The following ERO1A variants were observed in gnomAD, a reference collection of about 807,000 sequenced individuals.
The protein encoded by ERO1A is endoplasmic reticulum oxidoreductase 1 alpha.
ERO1A carries 49 observed loss-of-function variants against 76.9 expected under a neutral mutation model. The observed-to-expected ratio is 0.64, with a 90% CI of 0.51 to 0.81. ERO1A has a LOEUF of 0.81. Ranked by LOEUF, ERO1A falls within the 30% of genes least tolerant of loss-of-function variation. The pLI is 0.00. For synonymous variants in ERO1A, 174 were observed against 181.2 expected, an observed-to-expected ratio of 0.96 and a Z score of 0.32; for missense variants, 448 against 542.1, an observed-to-expected ratio of 0.83 and a Z score of 1.72.
intron 6 of ERO1A, among the ~76,000 whole-genome samples, chr14:52,669,143 A>C (rs2040512929): frequency 6.6e-6 from 1 of 152,136 alleles, no homozygotes; most frequent in South Asian, 2.1e-4. Context: ...TACCATTTAC[A>C]TCCATTATTT....
chr14:52,645,628 G>C lies in ERO1A; in HGVS notation c.1346+526C>G, dbSNP rs143054512. 4.7e-3 allele frequency among the ~76,000 whole-genome samples: 722 copies of C among 152,000 alleles called. 6 individuals are homozygous for C. The highest frequency in any genetic ancestry group is 0.016 in the African/African-American group (675 of 41,464). On this transcript the variant is annotated intron_variant, in intron 15 of 15. Coordinates refer to ENST00000395686, the MANE Select transcript of ERO1A (RefSeq NM_014584.3). ...AAAGTCAATAGAGGAAAATAAAGAC[G>C]ATCATGTACTAATTGTATATGTCTA...
At chr14:52,644,245 G>C (rs2065049) in intron 15 of ERO1A, among the ~76,000 whole-genome samples, 68,618 of 151,986 alleles carry the variant, frequency 0.45, 16,327 homozygotes, top group Middle Eastern at 0.56. Context: ...CTTGAGTCCA[G>C]GAGTTTGAGA....
intron 1 of ERO1A, among the ~76,000 whole-genome samples, chr14:52,690,373 G>A (rs1427202013): frequency 2.0e-5 from 3 of 152,280 alleles, no homozygotes; most frequent in Non-Finnish European, 4.4e-5. Flanking sequence ...CCATCTGTCT[G>A]ACAAGATGTT....
intron 3 of ERO1A, among the ~76,000 whole-genome samples, chr14:52,678,695 G>A (rs577081820): frequency 1.3e-5 from 2 of 152,310 alleles, no homozygotes; most frequent in Non-Finnish European, 2.9e-5. Context: ...TTACAGCAAG[G>A]AGATGTAAAA....
rs144605235 is a variant in ERO1A, at chr14:52,642,192, T to C, written c.*1378A>G. 3 of 152,184 alleles carry C rather than the reference T, an allele frequency of 2.0e-5. No homozygotes were observed. Among genetic ancestry groups the C allele is most frequent in the African/African-American group, 7.2e-5 (3 of 41,518 alleles). 9.4% of individuals were successfully genotyped at this position (152,184 alleles called of 1,614,324 possible). The stretch of plus-strand genomic sequence containing the variant: ...TCCACTAATGAAAACCTCCCAAAAT[T>C]ACAGTTCAGTTTTAGGGAGACAAAG... On this transcript the variant is annotated 3_prime_UTR_variant, in exon 16 of 16. Coordinates refer to ENST00000395686, the MANE Select transcript of ERO1A (RefSeq NM_014584.3).
intron 7 of ERO1A, among the ~76,000 whole-genome samples, chr14:52,665,868 G>A (rs56059113): frequency 0.011 from 1,616 of 152,296 alleles, 18 homozygotes; most frequent in African/African-American, 0.036. Flanking sequence ...TGCAAGGACT[G>A]AAGAAGAAAA....
intron 2 of ERO1A, 73 bp from the exon 3 acceptor site, chr14:52,682,481 G>C (rs2041031666): frequency 1.7e-6 from 2 of 1,156,410 alleles, no homozygotes; most frequent in Non-Finnish European, 2.5e-6. Context: ...TACAAATTAT[G>C]GTGCTATAAC....
rs115094984 is a variant in ERO1A at position 52,663,266 on chromosome 14, T to C, written c.676+535A>G. Among the ~76,000 whole-genome samples, 385 of 152,252 alleles carry C rather than the reference T, an allele frequency of 2.5e-3. 2 individuals are homozygous for C. The highest frequency in any genetic ancestry group is 8.9e-3 in the African/African-American group (370 of 41,532). ...TAGAATAAATATATATCCTAATCTT[T>C]ATTTTTTGATAATCTAATACCAGGA... On this transcript the variant is annotated intron_variant, in intron 8 of 15. Coordinates refer to ENST00000395686, the MANE Select transcript of ERO1A (RefSeq NM_014584.3).
At chr14:52,687,898 C>A (rs2041229514) in intron 1 of ERO1A, among the ~76,000 whole-genome samples, 2 of 152,084 alleles carry the variant, frequency 1.3e-5, no homozygotes, top group African/African-American at 4.8e-5. Context: ...AAAATTCCAG[C>A]CTTCTGTTCC....
intron 1 of ERO1A, among the ~76,000 whole-genome samples, chr14:52,689,155 T>C (rs1343209083): frequency 2.6e-5 from 4 of 152,106 alleles, no homozygotes; most frequent in Non-Finnish European, 5.9e-5. Context: ...GGTTTCACCA[T>C]GTTGGTCAGG....
At chr14:52,666,587 C>A (rs1034912118) in intron 6 of ERO1A, 92 bp from the exon 7 acceptor site, 1 of 1,137,788 alleles carries the variant, frequency 8.8e-7, no homozygotes, top group East Asian at 2.7e-5. Flanking sequence ...TTCTAACGCA[C>A]CACAAATATA....
chr14:52,681,675 A>G (rs2040998701), intron 3 of ERO1A, among the ~76,000 whole-genome samples: 2 of 152,220 alleles, frequency 1.3e-5, no homozygotes, highest in African/African-American at 4.8e-5. Context: ...ATTGTCATTC[A>G]AAAATATTTT....
In ERO1A at chr14:52,695,438, A is replaced by G. The variant is rs754651694; in HGVS notation, c.44T>C (p.Val15Ala). The G allele has an allele frequency of 1.9e-6, 3 of 1,552,906 alleles. 1 individual carries two copies. The South Asian group carries it at 3.6e-5, about 19-fold the overall frequency. Residue 15 changes from valine (V) to alanine (A), a missense_variant, in exon 1 of 16, where the codon GTG becomes GCG. This residue lies in a region of ERO1A where 146 missense variants were observed against 130.2 expected (regional missense o/e 1.12). Coordinates refer to ENST00000395686, the MANE Select transcript of ERO1A (RefSeq NM_014584.3). The part of the protein sequence containing the change: ...WGFLFGLLGA[V>A]WLLSSGHGEE... ...TCCGTGGCCCGAGCTGAGCAGCCAC[A>G]CGGCGCCCAGGAGGCCAAACAAGAA...
At chr14:52,663,921 C>G in intron 7 of ERO1A, 74 bp from the exon 8 acceptor site, 1 of 812,498 alleles carries the variant, frequency 1.2e-6, no homozygotes, top group Non-Finnish European at 2.0e-6. Context: ...GATATTATCT[C>G]AGAAAACTGC....
chr14:52,671,646 G>C lies in ERO1A; in HGVS notation c.492C>G (p.Asn164Lys), dbSNP rs754823503. The C allele has an allele frequency of 6.2e-7, 1 of 1,605,928 alleles. No individual in the cohort carries two copies. The highest frequency in any genetic ancestry group is 2.2e-5 in the East Asian group (1 of 44,678). The change falls in exon 6 of 16, where the codon AAC (asparagine) becomes AAG (lysine). Residue 164 changes from asparagine to lysine, a missense_variant. Physicochemically the swap from Asn to Lys is moderately conservative, Grantham distance 94. Around this residue, in one of 2 missense-constraint regions of ERO1A, gnomAD observed 302 missense variants for 411.9 expected, o/e 0.73. Transcript: ENST00000395686. ...QWTKHDDSSD[N>K]FCEADDIQSP... is the part of the protein sequence containing the mutation. ...ATATTATACCATCAGCTTCACAGAAGTTATCTGAAGAATCATCATGCTTGG... is the reference window on the plus strand; with the variant it reads ...ATATTATACCATCAGCTTCACAGAACTTATCTGAAGAATCATCATGCTTGG...
At chr14:52,693,953 AG>A (rs1332531979) in intron 1 of ERO1A, among the ~76,000 whole-genome samples, 3 of 152,236 alleles carry the variant, frequency 2.0e-5, no homozygotes, top group African/African-American at 7.2e-5. Flanking sequence ...ACTAGTTAGA[AG>A]AAAAAGAAAA....
intron 3 of ERO1A, among the ~76,000 whole-genome samples, chr14:52,681,657 G>A (rs1365284088): frequency 6.6e-6 from 1 of 152,030 alleles, no homozygotes. Context: ...TACTTAAAAA[G>A]GGAATAAATT....
At chr14:52,687,928 G>C (rs1270570259) in intron 1 of ERO1A, among the ~76,000 whole-genome samples, 1 of 152,164 alleles carries the variant, frequency 6.6e-6, no homozygotes, top group Non-Finnish European at 1.5e-5. Context: ...GCTCACACGT[G>C]TAATTCCAGC....
rs192322518 is a variant in ERO1A at position 52,648,227 on chromosome 14, G to C, written c.1126-1766C>G. ...ATGACCACATGACATCCAAGCAACAGGTACTAATTTTAAACCTACTTAAAA... is the reference window on the plus strand; with the variant it reads ...ATGACCACATGACATCCAAGCAACACGTACTAATTTTAAACCTACTTAAAA... On this transcript the variant is annotated intron_variant, in intron 13 of 15. Transcript: ENST00000395686. Among the ~76,000 whole-genome samples, 3 of 151,892 alleles carry C rather than the reference G, an allele frequency of 2.0e-5. No individual in the cohort carries two copies. The East Asian group carries it at 5.8e-4, about 29-fold the overall frequency.
Sources: gnomAD v4.1 joint callset for allele counts (sites outside exome capture counted in the v4.1 genomes callset) on GRCh38, gnomAD v4.1.1 for gene constraint, gnomAD v4.1.1 regional missense constraint, MANE v1.5 for transcripts, NCBI Gene and HGNC (gene_info 2026-07-23, HGNC 2026-07-21) for gene names.